CLCN5: variants seen among roughly 807,000 people sequenced by gnomAD.
CLCN5 encodes H(+)/Cl(-) exchange transporter 5.
A neutral mutation model predicts 54.0 loss-of-function variants in CLCN5; 17 were observed. The ratio of observed to expected loss-of-function variants is 0.31; its 90% CI spans 0.22 to 0.47. The LOEUF (loss-of-function observed/expected upper bound fraction) is 0.47, where lower values mean the gene tolerates loss of function less well. CLCN5 is among the 20% of genes least tolerant of loss of function. The pLI, the probability that CLCN5 is intolerant of heterozygous loss-of-function variation, is 1.00. For missense variants in CLCN5, 448 were observed against 646.7 expected (o/e 0.69, Z 3.33); for synonymous variants, 222 against 233.0 (o/e 0.95, Z 0.43).
At chrX:50,002,423 G>A (rs191680312) in intron 3 of CLCN5, among the ~76,000 whole-genome samples, 1 of 111,954 alleles carries the variant, frequency 8.9e-6, no homozygotes, top group African/African-American at 3.2e-5. Flanking sequence ...ATTTTAATAA[G>A]CTAAAGGTTT....
Position 50,080,281 on chromosome X carries a change from ACAAAACC to A in CLCN5, c.604-310_604-304del, listed in dbSNP as rs782792644. Among the ~76,000 whole-genome samples, 45 of 111,393 alleles carry A rather than the reference ACAAAACC, an allele frequency of 4.0e-4. No individual in the cohort carries two copies. The East Asian group carries it at 0.012, about 30-fold the overall frequency. ...GACATGGAATCATATATATTTGACT[ACAAAACC>A]CATCAAAGCACTCATATAGAAAGAG... is the stretch of plus-strand genomic sequence containing the variant. On this transcript the variant is annotated intron_variant, in intron 7 of 14. Transcript: ENST00000376091.
intron 3 of CLCN5, among the ~76,000 whole-genome samples, chrX:49,949,848 T>C (rs1019828751): frequency 5.4e-5 from 6 of 112,108 alleles, no homozygotes; most frequent in Admixed American, 9.5e-5. Context: ...AATTTGGCTA[T>C]GGCTTCTGTA....
intron 4 of CLCN5, among the ~76,000 whole-genome samples, chrX:50,052,924 A>G (rs1557188548): frequency 8.9e-6 from 1 of 111,892 alleles, no homozygotes. Flanking sequence ...CTTATTTGTC[A>G]GTTGTACCTT....
chrX:50,058,980 T>G (rs1263790050), intron 4 of CLCN5, among the ~76,000 whole-genome samples: 2 of 111,959 alleles, frequency 1.8e-5, no homozygotes, highest in Admixed American at 9.5e-5. Flanking sequence ...TTGAAAAGCC[T>G]TTTGCATTTT....
intron 3 of CLCN5, among the ~76,000 whole-genome samples, chrX:49,999,191 C>T (rs782590027): frequency 9.9e-5 from 11 of 110,980 alleles, no homozygotes; most frequent in Non-Finnish European, 2.1e-4. Flanking sequence ...CTTAGACCTA[C>T]GTCTGTGTAC....
chrX:50,033,880 A>G (rs1460274358), intron 3 of CLCN5, among the ~76,000 whole-genome samples: 2 of 111,891 alleles, frequency 1.8e-5, no homozygotes, highest in Non-Finnish European at 3.8e-5. Context: ...AAAAAGTTTG[A>G]GAACTGCTGC....
intron 4 of CLCN5, among the ~76,000 whole-genome samples, chrX:50,050,877 T>C (rs782417271): frequency 4.5e-5 from 5 of 110,355 alleles, no homozygotes; most frequent in Admixed American, 9.7e-5. Context: ...TTAGCCAGGA[T>C]GGTCTCCATC....
At position 50,097,559 on chromosome X, in the gene CLCN5, A is replaced by C. The variant is rs1234568435; in HGVS notation, c.*5340A>C. On this transcript the variant is annotated 3_prime_UTR_variant, in exon 15 of 15. Transcript: ENST00000376091. ...ATAATATAAAAATATGAGAGTTTAA[A>C]AAAAAAAAAGATCTCTGCCTCTCTT... The C allele has an allele frequency of 9.0e-6, 1 of 111,105 alleles. No homozygotes were observed. Among genetic ancestry groups the C allele is most frequent in the East Asian group, 2.8e-4 (1 of 3,533 alleles). The allele number at this position is 111,105 out of a possible 1,213,427, so 9.2% of individuals were successfully genotyped here. A position where few individuals can be genotyped will look rare whatever the true frequency, so the allele number is the denominator to read the frequency against.
At chrX:50,030,768 A>T (rs1425120059) in intron 3 of CLCN5, among the ~76,000 whole-genome samples, 1 of 112,409 alleles carries the variant, frequency 8.9e-6, no homozygotes, top group Non-Finnish European at 1.9e-5. Flanking sequence ...ATAATTATGG[A>T]TTTAAAATTT....
chrX:49,938,220 A>G (rs1444211766), intron 3 of CLCN5, among the ~76,000 whole-genome samples: 8 of 111,731 alleles, frequency 7.2e-5, no homozygotes, highest in African/African-American at 2.6e-4. Context: ...TGCCCAAGGT[A>G]ATTTATAGAT....
intron 4 of CLCN5, among the ~76,000 whole-genome samples, chrX:50,047,102 A>G (rs1010883100): frequency 9.0e-6 from 1 of 111,629 alleles, no homozygotes; most frequent in Non-Finnish European, 1.9e-5. Context: ...ATTGCAAAAC[A>G]TTTCTATTTG....
chrX:50,058,132 C>T (rs1932795057), intron 4 of CLCN5, among the ~76,000 whole-genome samples: 3 of 111,666 alleles, frequency 2.7e-5, no homozygotes, highest in Admixed American at 9.5e-5. Context: ...AACTGAAATA[C>T]ATTTTTTAAA....
intron 3 of CLCN5, among the ~76,000 whole-genome samples, chrX:50,030,446 A>C (rs1256218575): frequency 2.7e-5 from 3 of 111,782 alleles, no homozygotes; most frequent in African/African-American, 9.7e-5. Context: ...GGCTATTTTT[A>C]GTTGGTATTT....
At chrX:50,080,851 C>G in intron 8 of CLCN5, 135 bp downstream of exon 8, 1 of 549,702 alleles carries the variant, frequency 1.8e-6, no homozygotes, top group Non-Finnish European at 3.1e-6. Flanking sequence ...CATCTAAGAC[C>G]TAGGTCTTTC....
chrX:49,996,997 C>T (rs1929556931), intron 3 of CLCN5, among the ~76,000 whole-genome samples: 1 of 111,862 alleles, frequency 8.9e-6, no homozygotes, highest in Admixed American at 9.5e-5. Context: ...CCTTTGGTCA[C>T]TCTTCACTCC....
At chrX:49,989,919 T>A (rs890403177) in intron 3 of CLCN5, among the ~76,000 whole-genome samples, 2 of 111,914 alleles carry the variant, frequency 1.8e-5, no homozygotes, top group African/African-American at 6.5e-5. Context: ...ATTGCTGAAT[T>A]AACCTGTTTC....
chrX:50,032,760 A>G (rs781980763), intron 3 of CLCN5, among the ~76,000 whole-genome samples: 7 of 109,592 alleles, frequency 6.4e-5, no homozygotes, highest in African/African-American at 2.4e-4. Flanking sequence ...TTTTGTTGCC[A>G]TTGCTTTTGG....
In CLCN5 at chrX:50,033,658, GA is replaced by G. The variant is rs782457274; in HGVS notation, c.17-8652del. On this transcript the variant is annotated intron_variant, in intron 3 of 14. Coordinates refer to ENST00000376091, the MANE Select transcript of CLCN5 (RefSeq NM_001127898.4). ...ACCAATGACTTTCTTCACAGAATTG[GA>G]AAAAACTACTTTAAAGTTCATATGG... Among the ~76,000 whole-genome samples the G allele has an allele frequency of 8.3e-3, 926 of 111,308 alleles. 6 individuals carry two copies. The highest frequency in any genetic ancestry group is 0.023 in the Middle Eastern group (5 of 219).
At chrX:49,988,497 G>C (rs1440445992) in intron 3 of CLCN5, among the ~76,000 whole-genome samples, 1 of 110,833 alleles carries the variant, frequency 9.0e-6, no homozygotes, top group African/African-American at 3.3e-5. Flanking sequence ...TGGTAATCTT[G>C]CCTCACCTCA....
Sources: gnomAD v4.1 joint callset for allele counts (sites outside exome capture counted in the v4.1 genomes callset) on GRCh38, gnomAD v4.1.1 for gene constraint, MANE v1.5 for transcripts, NCBI Gene and HGNC (gene_info 2026-07-23, HGNC 2026-07-21) for gene names.